LPP: variants seen among roughly 807,000 people sequenced by gnomAD.
The protein encoded by LPP is lipoma-preferred partner.
In LPP, 38 loss-of-function variants were observed where a neutral mutation model predicts 60.4. That is an observed-to-expected ratio of 0.63 (90% confidence interval 0.49 to 0.83). LPP has a LOEUF of 0.83. LPP is among the 40% of genes least tolerant of loss of function. The probability of loss-of-function intolerance (pLI) is 0.00; values close to 1 mark genes in which losing one functional copy is unlikely to be tolerated. For missense variants in LPP, 902 were observed against 783.6 expected, an observed-to-expected ratio of 1.15 and a Z score of -1.80; for synonymous variants, 328 against 290.8, an observed-to-expected ratio of 1.13 and a Z score of -1.30.
intron 4 of LPP, among the ~76,000 whole-genome samples, chr3:188,450,303 T>C (rs761770567): frequency 2.1e-4 from 32 of 152,328 alleles, no homozygotes; most frequent in Admixed American, 1.4e-3. Context: ...TAATGCTCAG[T>C]GAGCAGGCAT....
rs551159546 is a variant in LPP at position 188,303,992 on chromosome 3, T to G, written c.-66-37671T>G. Among the ~76,000 whole-genome samples the G allele has an allele frequency of 5.3e-5, 8 of 152,296 alleles. No homozygotes were observed. In the East Asian group the frequency reaches 1.5e-3, roughly 29 times the overall value. ...CTTCTGTGCCATAGAATGGAGGAAG[T>G]GCCCTGGCGGAAATCTACCCTACTT... On this transcript the variant is annotated intron_variant, in intron 2 of 11. Coordinates refer to ENST00000617246, the MANE Select transcript of LPP (RefSeq NM_001375462.1).
chr3:188,183,754 G>A (rs1440130117), intron 1 of LPP, among the ~76,000 whole-genome samples: 1 of 151,936 alleles, frequency 6.6e-6, no homozygotes, highest in African/African-American at 2.4e-5. Context: ...GAGTGGGAGG[G>A]GGTGTGCTGG....
intron 2 of LPP, among the ~76,000 whole-genome samples, chr3:188,293,761 A>G (rs1478389865): frequency 6.6e-6 from 1 of 152,106 alleles, no homozygotes; most frequent in Non-Finnish European, 1.5e-5. Context: ...CATTATGGCA[A>G]AGTGAAAGAA....
At position 188,287,952 on chromosome 3, in the gene LPP, C is replaced by A. The variant is rs151144683; in HGVS notation, c.-66-53711C>A. ...TCAGATTCAATGCTGGATGTACCAT[C>A]CTCCCAGGCTTATTAGCATAATTGC... is the stretch of plus-strand genomic sequence containing the variant. On this transcript the variant is annotated intron_variant, in intron 2 of 11. Transcript: ENST00000617246. Among the ~76,000 whole-genome samples, 568 of 152,214 alleles carry A rather than the reference C, an allele frequency of 3.7e-3. 7 individuals are homozygous for A. The highest frequency in any genetic ancestry group is 0.013 in the African/African-American group (531 of 41,504).
intron 1 of LPP, among the ~76,000 whole-genome samples, chr3:188,213,961 A>ACACACACACACACACAC (rs1712363670): frequency 1.5e-5 from 2 of 130,324 alleles, no homozygotes; most frequent in Admixed American, 8.1e-5. Flanking sequence ...TTAGATTTTA[A>ACACACACACACACACAC]ACACACACAC....
chr3:188,216,011 G>A (rs1326266603), intron 1 of LPP, among the ~76,000 whole-genome samples: 1 of 152,152 alleles, frequency 6.6e-6, no homozygotes, highest in Non-Finnish European at 1.5e-5. Context: ...CTAGCAAATG[G>A]TATGAGACAT....
intron 3 of LPP, among the ~76,000 whole-genome samples, chr3:188,386,772 T>G (rs1364527621): frequency 6.6e-6 from 1 of 152,246 alleles, no homozygotes; most frequent in African/African-American, 2.4e-5. Flanking sequence ...AATAGCCATA[T>G]TCAGAAGAGA....
intron 2 of LPP, among the ~76,000 whole-genome samples, chr3:188,240,391 G>GAGAC (rs145221795): frequency 1.3e-4 from 19 of 150,196 alleles, no homozygotes; most frequent in African/African-American, 4.8e-4. Context: ...GAGAGACAGA[G>GAGAC]AGAGAAAGAG....
chr3:188,528,299 T>A (rs993981685), intron 6 of LPP, among the ~76,000 whole-genome samples: 2 of 152,100 alleles, frequency 1.3e-5, no homozygotes, highest in Non-Finnish European at 2.9e-5. Context: ...AGTGCTGGGG[T>A]TACAGGCATG....
intron 8 of LPP, among the ~76,000 whole-genome samples, chr3:188,748,718 G>C (rs749400764): frequency 6.6e-6 from 1 of 152,192 alleles, no homozygotes; most frequent in Non-Finnish European, 1.5e-5. Context: ...GGGAGGCAGA[G>C]GTTGCTGTGA....
At chr3:188,379,559 G>GTTT (rs1231930447) in intron 3 of LPP, among the ~76,000 whole-genome samples, 1 of 152,056 alleles carries the variant, frequency 6.6e-6, no homozygotes, top group African/African-American at 2.4e-5. Context: ...CATAGTGGTC[G>GTTT]TTTCTTATTT....
chr3:188,749,382 T>C (rs954741285), intron 8 of LPP, among the ~76,000 whole-genome samples: 1 of 152,190 alleles, frequency 6.6e-6, no homozygotes, highest in Non-Finnish European at 1.5e-5. Flanking sequence ...ATAGAGTCTG[T>C]AAATGAAGAG....
At chr3:188,232,750 G>A (rs1720533663) in intron 2 of LPP, among the ~76,000 whole-genome samples, 1 of 152,126 alleles carries the variant, frequency 6.6e-6, no homozygotes, top group East Asian at 1.9e-4. Flanking sequence ...AGGACAACAT[G>A]GTAAAGAGGA....
intron 6 of LPP, among the ~76,000 whole-genome samples, chr3:188,543,555 G>A (rs953315258): frequency 2.6e-5 from 4 of 152,128 alleles, no homozygotes; most frequent in Admixed American, 2.6e-4. Flanking sequence ...TTTCTTCCAG[G>A]CAGTTGCATA....
At chr3:188,527,099 A>G (rs1227860057) in intron 6 of LPP, among the ~76,000 whole-genome samples, 1 of 152,186 alleles carries the variant, frequency 6.6e-6, no homozygotes, top group Non-Finnish European at 1.5e-5. Context: ...GTAAGCAACC[A>G]GATGGCTGCA....
In LPP at chr3:188,691,799, C is replaced by T. The variant is rs979636417; in HGVS notation, c.1114-16468C>T. On this transcript the variant is annotated intron_variant, in intron 7 of 11. Coordinates refer to ENST00000617246, the MANE Select transcript of LPP (RefSeq NM_001375462.1). Reference sequence around the variant, plus strand: ...GACACTGTTGACTCCTAGTTACCATCTAACATTGTGGTCCAAGCTACAGAG... The same window carrying T: ...GACACTGTTGACTCCTAGTTACCATTTAACATTGTGGTCCAAGCTACAGAG... Among the ~76,000 whole-genome samples, 7 of 152,300 alleles carry T rather than the reference C, an allele frequency of 4.6e-5. No individual in the cohort carries two copies. In the East Asian group the frequency reaches 5.8e-4, roughly 13 times the overall value.
At chr3:188,564,299 G>C (rs1023921599) in intron 6 of LPP, among the ~76,000 whole-genome samples, 1 of 151,904 alleles carries the variant, frequency 6.6e-6, no homozygotes. Flanking sequence ...TGAAAATGTA[G>C]GTATGTAAGA....
intron 4 of LPP, among the ~76,000 whole-genome samples, chr3:188,415,681 G>A (rs970066550): frequency 3.4e-5 from 5 of 145,738 alleles, no homozygotes; most frequent in Admixed American, 7.3e-5. Context: ...AAACTGTCTC[G>A]AAAGGTTACA....
intron 2 of LPP, among the ~76,000 whole-genome samples, chr3:188,305,207 AC>A (rs1751139460): frequency 6.6e-6 from 1 of 152,170 alleles, no homozygotes; most frequent in Non-Finnish European, 1.5e-5. Flanking sequence ...GGAGCTAAAT[AC>A]TAAATATATT....
Sources: gnomAD v4.1 joint callset for allele counts (sites outside exome capture counted in the v4.1 genomes callset) on GRCh38, gnomAD v4.1.1 for gene constraint, MANE v1.5 for transcripts, NCBI Gene and HGNC (gene_info 2026-07-23, HGNC 2026-07-21) for gene names.